MAP4K4: variants seen among roughly 807,000 people sequenced by gnomAD.
MAP4K4 encodes mitogen-activated protein kinase kinase kinase kinase 4, also known as HPK/GCK-like kinase HGK.
In MAP4K4, 38 loss-of-function variants were observed where a neutral mutation model predicts 189.6. That is an observed-to-expected ratio of 0.20 (90% CI 0.15 to 0.26). MAP4K4 has a LOEUF of 0.26. Among genes scored for constraint, MAP4K4 ranks in the 10% least tolerant of loss-of-function variants. The probability of loss-of-function intolerance (pLI) is 1.00; values close to 1 mark genes in which losing one functional copy is unlikely to be tolerated. For synonymous variants in MAP4K4, 610 were observed against 624.3 expected, an observed-to-expected ratio of 0.98 and a Z score of 0.34; for missense variants, 1,054 against 1,726.9, an observed-to-expected ratio of 0.61 and a Z score of 6.91.
rs536862821 is a variant in MAP4K4 at position 101,840,380 on chromosome 2, C to G, written c.949+386C>G. 2.6e-5 allele frequency among the ~76,000 whole-genome samples: 4 copies of G among 152,272 alleles called. No individual in the cohort carries two copies. In the East Asian group the frequency reaches 7.7e-4, roughly 29 times the overall value. Reference sequence around the variant, plus strand: ...CTGTATAATTCTCCTGCCCAAGAACCCCCGCTCAGGGGATTTTTACTGCTC... The same window carrying G: ...CTGTATAATTCTCCTGCCCAAGAACGCCCGCTCAGGGGATTTTTACTGCTC... On this transcript the variant is annotated intron_variant, in intron 10 of 32. Transcript: ENST00000324219.
At chr2:101,737,786 G>C (rs1483841526) in intron 2 of MAP4K4, among the ~76,000 whole-genome samples, 1 of 151,754 alleles carries the variant, frequency 6.6e-6, no homozygotes, top group Admixed American at 6.6e-5. Context: ...TATCATTCAG[G>C]GTCCAGATTC....
rs745885799 is a variant in MAP4K4, at chr2:101,859,855, A to G, written c.1695A>G (p.Arg565=). The change falls in exon 15 of 33, where the codon CGA becomes CGG. Residue 565 remains arginine, a synonymous_variant. Transcript: ENST00000324219. ...AAGCCCACTACGAGCCTGCTGACCG[A>G]GCGCGAGAGGTATCCTCTTTCCTTT... is the stretch of plus-strand genomic sequence containing the variant. 5 of 1,601,478 alleles carry G rather than the reference A, an allele frequency of 3.1e-6. No individual in the cohort carries two copies. In the East Asian group the frequency reaches 9.0e-5, roughly 29 times the overall value.
At chr2:101,878,891 T>C (rs975398525) in intron 27 of MAP4K4, among the ~76,000 whole-genome samples, 7 of 152,204 alleles carry the variant, frequency 4.6e-5, no homozygotes, top group African/African-American at 1.7e-4. Flanking sequence ...AAGGAGTTTC[T>C]TGAAATGCAA....
At chr2:101,851,987 T>G (rs1258765447) in intron 12 of MAP4K4, among the ~76,000 whole-genome samples, 1 of 152,088 alleles carries the variant, frequency 6.6e-6, no homozygotes, top group Non-Finnish European at 1.5e-5. Flanking sequence ...TGTAGTCTTG[T>G]GTGTATCTCT....
chr2:101,716,335 T>A (rs6543091), intron 2 of MAP4K4, among the ~76,000 whole-genome samples: 1 of 151,818 alleles, frequency 6.6e-6, no homozygotes, highest in Non-Finnish European at 1.5e-5. Context: ...CCCAGCTACT[T>A]GGGAGGCTGA....
At chr2:101,720,424 T>C (rs377374484) in intron 2 of MAP4K4, among the ~76,000 whole-genome samples, 43 of 152,270 alleles carry the variant, frequency 2.8e-4, no homozygotes, top group South Asian at 2.3e-3. Context: ...GGTTTTTACA[T>C]TGAAGTCCTG....
intron 22 of MAP4K4, 137 bp downstream of exon 22, chr2:101,869,934 T>G: frequency 8.3e-7 from 1 of 1,203,134 alleles, no homozygotes. Context: ...CAGCAGCAGG[T>G]CGCCTTGTGT....
At chr2:101,786,370 G>A (rs903829115) in intron 2 of MAP4K4, among the ~76,000 whole-genome samples, 3 of 151,598 alleles carry the variant, frequency 2.0e-5, no homozygotes, top group African/African-American at 4.9e-5. Flanking sequence ...TCTTCAGCTT[G>A]GACCTCTATT....
At chr2:101,801,140 C>T (rs757578728) in intron 3 of MAP4K4, among the ~76,000 whole-genome samples, 91 of 152,210 alleles carry the variant, frequency 6.0e-4, no homozygotes, top group South Asian at 6.2e-4. Context: ...CAGCTTTGGG[C>T]GGCTGTACAT....
At chr2:101,801,808 C>G (rs780699190) in intron 3 of MAP4K4, among the ~76,000 whole-genome samples, 21 of 152,206 alleles carry the variant, frequency 1.4e-4, no homozygotes, top group Non-Finnish European at 2.1e-4. Context: ...ATAGCCTAAA[C>G]TCAACATGTC....
intron 16 of MAP4K4, among the ~76,000 whole-genome samples, chr2:101,863,416 G>A (rs1461604058): frequency 6.6e-6 from 1 of 152,094 alleles, no homozygotes; most frequent in African/African-American, 2.4e-5. Context: ...TTGCACATTT[G>A]GCAGTGCGCT....
chr2:101,831,902 G>T, intron 7 of MAP4K4, 51 bp downstream of exon 7: 1 of 1,594,138 alleles, frequency 6.3e-7, no homozygotes, highest in East Asian at 2.2e-5. Context: ...GCATACCCGA[G>T]GGATGGGGGC....
In MAP4K4 at chr2:101,783,138, A is replaced by G. The variant is rs559804866; in HGVS notation, c.124-7582A>G. 1.1e-4 allele frequency among the ~76,000 whole-genome samples: 17 copies of G among 152,340 alleles called. No homozygotes were observed. The South Asian group carries it at 3.3e-3, about 30-fold the overall frequency. The stretch of plus-strand genomic sequence containing the variant: ...ATTCTGGGGAGAGAATGGACAGACC[A>G]GGTTTGGCTTAGCTACTAGTTGAGT... On this transcript the variant is annotated intron_variant, in intron 2 of 32. Transcript: ENST00000324219.
rs779323194 is a variant in MAP4K4, at chr2:101,866,606, C to T, written c.2356+27C>T. 5.0e-6 allele frequency: 8 copies of T among 1,602,434 alleles called. No individual in the cohort carries two copies. In the Admixed American group the frequency reaches 1.3e-4, roughly 27 times the overall value. The stretch of plus-strand genomic sequence containing the variant: ...TAAGCTGCCTTTCCTTTCCTTTTTC[C>T]CTGCTAATGTTTTGAGCTGTGATCC... On this transcript the variant is annotated intron_variant, in intron 19 of 32. Coordinates refer to ENST00000324219, the Ensembl canonical transcript of MAP4K4.
intron 9 of MAP4K4, among the ~76,000 whole-genome samples, chr2:101,836,351 A>G (rs896866192): frequency 3.3e-5 from 5 of 152,198 alleles, no homozygotes; most frequent in African/African-American, 9.6e-5. Context: ...TGGGAGGCCA[A>G]GGCGGGGAGG....
intron 9 of MAP4K4, among the ~76,000 whole-genome samples, chr2:101,836,910 T>C (rs2096772915): frequency 6.6e-6 from 1 of 152,054 alleles, no homozygotes; most frequent in Admixed American, 6.5e-5. Context: ...AGTTGTAAAA[T>C]CTTGAAGAAA....
chr2:101,865,269 A>C (rs868094565), intron 18 of MAP4K4, among the ~76,000 whole-genome samples: 4 of 152,240 alleles, frequency 2.6e-5, no homozygotes, highest in Non-Finnish European at 5.9e-5. Context: ...AATTTAAACT[A>C]CTTTTCTCTG....
chr2:101,834,391 A>G lies in MAP4K4; in HGVS notation c.640-18A>G. 1 of 1,589,196 alleles carries G rather than the reference A, an allele frequency of 6.3e-7. No individual in the cohort carries two copies. The highest frequency in any genetic ancestry group is 8.6e-7 in the Non-Finnish European group (1 of 1,163,210). On this transcript the variant is annotated intron_variant, in intron 7 of 32. Coordinates refer to ENST00000324219, the Ensembl canonical transcript of MAP4K4. ...GTATCTACTCCAGTATCTGTAACGTACTGTTTTATTTTTGCAGAGTGATCT... is the reference window on the plus strand; with the variant it reads ...GTATCTACTCCAGTATCTGTAACGTGCTGTTTTATTTTTGCAGAGTGATCT...
At chr2:101,728,808 C>T (rs1256023546) in intron 2 of MAP4K4, among the ~76,000 whole-genome samples, 3 of 152,132 alleles carry the variant, frequency 2.0e-5, no homozygotes, top group Admixed American at 1.3e-4. Context: ...CGTGAGCCAC[C>T]GTGCCCGACA....
Sources: allele counts gnomAD v4.1 joint callset (sites outside exome capture counted in the v4.1 genomes callset), GRCh38; gene constraint gnomAD v4.1.1; transcripts MANE v1.5; gene names NCBI Gene and HGNC (gene_info 2026-07-23, HGNC 2026-07-21).